The following DNAH17 variants were observed in gnomAD, a reference collection of about 807,000 sequenced individuals.
DNAH17 encodes dynein axonemal heavy chain 17.
In DNAH17, 376 loss-of-function variants were observed where a neutral mutation model predicts 485.6. The observed-to-expected ratio is 0.77, with a 90% CI of 0.71 to 0.84. The LOEUF is 0.84. Among genes scored for constraint, DNAH17 ranks in the 40% least tolerant of loss-of-function variants. DNAH17 has a pLI of 0.00. For missense variants in DNAH17, 6,370 were observed against 5,839.3 expected, an observed-to-expected ratio of 1.09 and a Z score of -2.96; for synonymous variants, 3,031 against 2,405.9, an observed-to-expected ratio of 1.26 and a Z score of -7.60.
chr17:78,484,095 C>CA (rs11290299), intron 48 of DNAH17, among the ~76,000 whole-genome samples: 542 of 38,398 alleles, frequency 0.014, 71 homozygotes, highest in East Asian at 0.033. Flanking sequence ...GATTTCTCCT[C>CA]AAAAAAAAAA....
chr17:78,433,927 A>AGGAGGGAGGGAC (rs1054831893), intron 75 of DNAH17, 102 bp downstream of exon 75: 4 of 791,222 alleles, frequency 5.1e-6, no homozygotes, highest in Non-Finnish European at 3.6e-6. Context: ...GAGGGAAGGA[A>AGGAGGGAGGGAC]GGAGGGAGGG....
chr17:78,540,474 GATGTGTGA>G (rs1418299126), intron 17 of DNAH17, among the ~76,000 whole-genome samples: 3 of 25,918 alleles, frequency 1.2e-4, no homozygotes, highest in Admixed American at 4.0e-4. Flanking sequence ...TGGGTATGTG[GATGTGTGA>G]GTGGGTGGGT....
rs983895904 is a variant in DNAH17, at chr17:78,566,680, A to C, written c.1503T>G (p.Asp501Glu). The change falls in exon 11 of 81, where the codon GAT becomes GAG. Residue 501 changes from aspartate (D) to glutamate (E), a missense_variant. Coordinates refer to ENST00000389840, the MANE Select transcript of DNAH17 (RefSeq NM_173628.4). ...GGCAAAAGATCGTGGCCAGCCTCCT[A>C]TCCAGGTCTTGGATTTTGATCTCAA... ...ADFEIKIQDL[D>E]RRLATIFCQG... 3.1e-6 allele frequency: 5 copies of C among 1,610,758 alleles called. No homozygotes were observed. The African/African-American group carries it at 6.7e-5, about 22-fold the overall frequency.
chr17:78,564,062 A>G (rs1048500852), intron 11 of DNAH17, among the ~76,000 whole-genome samples: 1 of 152,114 alleles, frequency 6.6e-6, no homozygotes, highest in Non-Finnish European at 1.5e-5. Flanking sequence ...GGGTGACTGC[A>G]TTTGTTCCTC....
intron 37 of DNAH17, 81 bp from the exon 38 acceptor site, chr17:78,496,113 G>A: frequency 6.9e-7 from 1 of 1,457,582 alleles, no homozygotes; most frequent in Non-Finnish European, 9.2e-7. Flanking sequence ...ATATGTTAAA[G>A]CATGAGGCTG....
intron 16 of DNAH17, among the ~76,000 whole-genome samples, chr17:78,545,969 T>G (rs76982502): frequency 0.18 from 22,312 of 124,758 alleles, 1,789 homozygotes; most frequent in East Asian, 0.34. Flanking sequence ...AGACTACCAT[T>G]TGAAATTTTT....
chr17:78,564,487 G>A (rs747202170), intron 11 of DNAH17, among the ~76,000 whole-genome samples: 3 of 151,682 alleles, frequency 2.0e-5, no homozygotes, highest in Non-Finnish European at 4.4e-5. Context: ...CCATAAGCCT[G>A]TGCCCCATCT....
rs1399090573 is a variant in DNAH17, at chr17:78,569,186, G to T, written c.1264C>A (p.Gln422Lys). ...TTTACCTCAATGGTCTGGATGCGCT[G>T]GAAGAAGGAATTTATCCTGGAAAAG... is the stretch of plus-strand genomic sequence containing the variant. Reference protein sequence around the residue: ...LAFSRINSFFQRIQTIEELYK... With the variant: ...LAFSRINSFFKRIQTIEELYK... The change falls in exon 9 of 81, where the codon CAG (glutamine) becomes AAG (lysine). Residue 422 changes from glutamine to lysine, a missense_variant. Transcript: ENST00000389840. 1.2e-6 allele frequency: 2 copies of T among 1,606,080 alleles called. No individual in the cohort carries two copies. The highest frequency in any genetic ancestry group is 8.5e-7 in the Non-Finnish European group (1 of 1,176,328).
chr17:78,439,040 G>A (rs766739520), intron 73 of DNAH17, 50 bp downstream of exon 73: 10 of 1,588,848 alleles, frequency 6.3e-6, no homozygotes, highest in Non-Finnish European at 8.6e-6. Flanking sequence ...ATCCCCATTG[G>A]CCACCTCAGT....
In DNAH17 at chr17:78,477,915, T is replaced by TCAC. The variant is rs1568116839; in HGVS notation, c.7992+1107_7992+1109dup. On this transcript the variant is annotated intron_variant, in intron 51 of 80. Coordinates refer to ENST00000389840, the MANE Select transcript of DNAH17 (RefSeq NM_173628.4). ...CATCACCACCATCATCATTACCACA[T>TCAC]CACCATCACCACCATCATCACCACC... Among the ~76,000 whole-genome samples, 427 of 145,200 alleles carry TCAC rather than the reference T, an allele frequency of 2.9e-3. 5 individuals are homozygous for TCAC. Among genetic ancestry groups the TCAC allele is most frequent in the African/African-American group, 0.01 (390 of 37,234 alleles).
At chr17:78,560,487 C>A (rs1006117897) in intron 13 of DNAH17, among the ~76,000 whole-genome samples, 7 of 144,352 alleles carry the variant, frequency 4.8e-5, no homozygotes, top group Admixed American at 2.1e-4. Context: ...TTTCCCCCCC[C>A]CCAGTTTCAA....
chr17:78,574,503 A>C (rs1203430959), intron 2 of DNAH17, among the ~76,000 whole-genome samples: 1 of 135,026 alleles, frequency 7.4e-6, no homozygotes, highest in African/African-American at 3.0e-5. Flanking sequence ...ACCCTGTCTC[A>C]AAAAAAAAAA....
Position 78,426,482 on chromosome 17 carries a change from T to G in DNAH17, c.12890A>C (p.Tyr4297Ser), listed in dbSNP as rs1568034185. The stretch of plus-strand genomic sequence containing the variant: ...CCTGATGCGGAGCAGCAGGTCTGCG[T>G]ACCAGGCCGCCAGGCCCATCATGGA... ...YPSMMGLAAW[Y>S]ADLLLRIREL... Residue 4297 changes from tyrosine to serine, a missense_variant, in exon 79 of 81, where the codon TAC (tyrosine) becomes TCC (serine). Coordinates refer to ENST00000389840, the MANE Select transcript of DNAH17 (RefSeq NM_173628.4). 1.2e-6 allele frequency: 2 copies of G among 1,610,788 alleles called. No homozygotes were observed. The highest frequency in any genetic ancestry group is 3.4e-5 in the Admixed American group (2 of 59,188).
intron 17 of DNAH17, among the ~76,000 whole-genome samples, chr17:78,542,413 G>T (rs935161665): frequency 6.6e-6 from 1 of 152,134 alleles, no homozygotes; most frequent in East Asian, 1.9e-4. Context: ...CTCCCAAAGT[G>T]CTGGGACTAC....
In DNAH17 at chr17:78,492,614, C is replaced by G. The variant is rs1178391366; in HGVS notation, c.6541+19G>C. ...ACCAGGAGTGCCCCTGCAGCCTGTC[C>G]CGGGACCACCCTCGTTACCATCTTT... On this transcript the variant is annotated intron_variant, in intron 42 of 80. Coordinates refer to ENST00000389840, the MANE Select transcript of DNAH17 (RefSeq NM_173628.4). The G allele has an allele frequency of 6.2e-7, 1 of 1,612,980 alleles. No homozygotes were observed. Among genetic ancestry groups the G allele is most frequent in the Admixed American group, 1.7e-5 (1 of 59,980 alleles).
chr17:78,493,629 T>G (rs917828215), intron 41 of DNAH17, among the ~76,000 whole-genome samples: 1 of 152,218 alleles, frequency 6.6e-6, no homozygotes, highest in African/African-American at 2.4e-5. Context: ...GGCCGGACAC[T>G]TGGCTGGCAT....
chr17:78,522,008 T>C (rs1568191957), intron 25 of DNAH17, among the ~76,000 whole-genome samples: 1 of 152,078 alleles, frequency 6.6e-6, no homozygotes, highest in Non-Finnish European at 1.5e-5. Flanking sequence ...ATACTAAAAC[T>C]CTTGCTCAGC....
intron 54 of DNAH17, among the ~76,000 whole-genome samples, chr17:78,472,500 G>A (rs2088809107): frequency 1.3e-5 from 2 of 152,148 alleles, no homozygotes; most frequent in South Asian, 4.1e-4. Context: ...CTGAGCCGCT[G>A]AGACCACGGC....
Position 78,468,867 on chromosome 17 carries a change from T to C in DNAH17, c.8528A>G (p.Gln2843Arg). Residue 2843 changes from glutamine (Q) to arginine (R), a missense_variant, in exon 55 of 81, where the codon CAG (glutamine) becomes CGG (arginine). Coordinates refer to ENST00000389840, the MANE Select transcript of DNAH17 (RefSeq NM_173628.4). ...GTTCTTCACGGCAGCCTTTATGTAC[T>C]GAGCAGCGAGGTCAATCTGGACGGA... ...IPDLKIDLAA[Q>R]YIKAAVKNVP... 1 of 1,613,448 alleles carries C rather than the reference T, an allele frequency of 6.2e-7. No individual in the cohort carries two copies. The highest frequency in any genetic ancestry group is 8.5e-7 in the Non-Finnish European group (1 of 1,179,784).
Sources: allele counts gnomAD v4.1 joint callset (sites outside exome capture counted in the v4.1 genomes callset), GRCh38; gene constraint gnomAD v4.1.1; transcripts MANE v1.5; gene names NCBI Gene and HGNC (gene_info 2026-07-23, HGNC 2026-07-21).